RNF217: variants seen among roughly 807,000 people sequenced by gnomAD.
The protein encoded by RNF217 is ring finger protein 217, also known as E3 ubiquitin-protein ligase RNF217.
In RNF217, 31 loss-of-function variants were observed where a neutral mutation model predicts 57.8. That is an observed-to-expected ratio of 0.54 (90% confidence interval 0.40 to 0.72). The LOEUF (loss-of-function observed/expected upper bound fraction) is 0.72, where lower values mean the gene tolerates loss of function less well. RNF217 is among the 30% of genes least tolerant of loss of function. The pLI is 0.00. For missense variants in RNF217, 696 were observed against 708.3 expected (o/e 0.98, Z 0.20); for synonymous variants, 313 against 294.0 (o/e 1.06, Z -0.66).
At chr6:125,020,864 T>A (rs997860813) in intron 1 of RNF217, among the ~76,000 whole-genome samples, 1 of 152,204 alleles carries the variant, frequency 6.6e-6, no homozygotes, top group African/African-American at 2.4e-5. Context: ...ATTAAAATAA[T>A]AATATTGCCA....
In RNF217 at chr6:125,076,694, C is replaced by G; in HGVS notation, c.1319C>G (p.Thr440Ser). ...IQRTEGCDHM[T>S]CSQCNTNFCY... is the part of the protein sequence containing the mutation. ...CGAACTGAAGGATGTGACCATATGA[C>G]CTGCTCACAATGTAACACTAATTTT... is the stretch of plus-strand genomic sequence containing the variant. The change falls in exon 4 of 6, where the codon ACC (threonine) becomes AGC (serine). Residue 440 changes from threonine (T) to serine (S), a missense_variant. Coordinates refer to ENST00000521654, the MANE Select transcript of RNF217 (RefSeq NM_001286398.3). The G allele has an allele frequency of 6.2e-7, 1 of 1,612,838 alleles. No individual in the cohort carries two copies. The highest frequency in any genetic ancestry group is 8.5e-7 in the Non-Finnish European group (1 of 1,178,992).
At position 125,081,625 on chromosome 6, in the gene RNF217, T is replaced by G. The variant is rs145141384; in HGVS notation, c.1555+118T>G. 340 of 764,808 alleles carry G rather than the reference T, an allele frequency of 4.4e-4. 2 individuals are homozygous for G. The African/African-American group carries it at 5.4e-3, about 12-fold the overall frequency. 47.4% of individuals were successfully genotyped at this position (764,808 alleles called of 1,614,324 possible). The stretch of plus-strand genomic sequence containing the variant: ...GTGGACATAATTTATGTTGTATGCC[T>G]GCTTTAGATAGATTACCAGCATATC... On this transcript the variant is annotated intron_variant, in intron 5 of 5. Coordinates refer to ENST00000521654, the MANE Select transcript of RNF217 (RefSeq NM_001286398.3).
chr6:125,089,503 CTAAAG>C lies in RNF217; in HGVS notation c.*6569_*6573del, dbSNP rs1338139614. The stretch of plus-strand genomic sequence containing the variant: ...TGAACATTGTTAGATTTTTAATAAT[CTAAAG>C]TAGGTCACATTGAATGTAACTGATA... On this transcript the variant is annotated 3_prime_UTR_variant, in exon 6 of 6. Transcript: ENST00000521654. 7 of 152,112 alleles carry C rather than the reference CTAAAG, an allele frequency of 4.6e-5. No individual in the cohort carries two copies. Among genetic ancestry groups the C allele is most frequent in the Non-Finnish European group, 7.3e-5 (5 of 68,028 alleles). 9.4% of individuals were successfully genotyped at this position (152,112 alleles called of 1,614,324 possible). A position where few individuals can be genotyped will look rare whatever the true frequency, so the allele number is the denominator to read the frequency against.
intron 1 of RNF217, among the ~76,000 whole-genome samples, chr6:124,997,542 C>T (rs1784799815): frequency 6.6e-6 from 1 of 152,156 alleles, no homozygotes; most frequent in South Asian, 2.1e-4. Context: ...TGACAGCAGA[C>T]ACATTGATGA....
intron 1 of RNF217, among the ~76,000 whole-genome samples, chr6:124,996,417 C>A (rs1225493606): frequency 6.6e-6 from 1 of 152,020 alleles, no homozygotes. Flanking sequence ...GATAGGAGTT[C>A]TATTTTTTAT....
chr6:124,987,077 T>C (rs1008975900), intron 1 of RNF217, among the ~76,000 whole-genome samples: 5 of 152,214 alleles, frequency 3.3e-5, no homozygotes, highest in African/African-American at 1.2e-4. Flanking sequence ...ATTCATAATT[T>C]GGACGTTTTT....
chr6:125,014,877 G>A (rs1272881458), intron 1 of RNF217, among the ~76,000 whole-genome samples: 1 of 152,164 alleles, frequency 6.6e-6, no homozygotes, highest in Admixed American at 6.5e-5. Flanking sequence ...GTGCTTGACT[G>A]AACTTTTGAG....
At chr6:125,049,116 T>C (rs1005506948) in intron 2 of RNF217, among the ~76,000 whole-genome samples, 5 of 151,978 alleles carry the variant, frequency 3.3e-5, no homozygotes, top group Admixed American at 6.6e-5. Context: ...ACCTGAATAG[T>C]TCCTGTAATT....
intron 1 of RNF217, among the ~76,000 whole-genome samples, chr6:124,985,883 T>C (rs1784349530): frequency 6.6e-6 from 1 of 152,194 alleles, no homozygotes; most frequent in Admixed American, 6.5e-5. Context: ...CATGGTTATG[T>C]TACATTAATC....
chr6:125,011,681 T>TA (rs1197466997), intron 1 of RNF217, among the ~76,000 whole-genome samples: 1 of 152,188 alleles, frequency 6.6e-6, no homozygotes, highest in Non-Finnish European at 1.5e-5. Flanking sequence ...TGTCAGGTTC[T>TA]AAAAAAGTCA....
rs141289437 is a variant in RNF217 at position 124,992,417 on chromosome 6, A to G, written c.882+28991A>G. Among the ~76,000 whole-genome samples the G allele has an allele frequency of 4.2e-3, 646 of 152,304 alleles. 7 individuals are homozygous for G. Among genetic ancestry groups the G allele is most frequent in the African/African-American group, 0.015 (618 of 41,576 alleles). On this transcript the variant is annotated intron_variant, in intron 1 of 5. Transcript: ENST00000521654. ...AGAAAATAAGAAACTAAGAGGCTAT[A>G]GAACATTGATTTTAAGAATGTACTT... is the stretch of plus-strand genomic sequence containing the variant.
At chr6:125,071,083 C>T (rs1022462957) in intron 3 of RNF217, among the ~76,000 whole-genome samples, 2 of 151,920 alleles carry the variant, frequency 1.3e-5, no homozygotes, top group Non-Finnish European at 2.9e-5. Flanking sequence ...TTTTTAGATA[C>T]TTTGTGGGCA....
intron 2 of RNF217, among the ~76,000 whole-genome samples, chr6:125,052,286 G>T (rs1011188822): frequency 9.0e-5 from 11 of 122,334 alleles, no homozygotes; most frequent in African/African-American, 1.6e-4. Flanking sequence ...CATGCGTTTT[G>T]TGTGTGTGTG....
intron 4 of RNF217, 82 bp from the exon 5 acceptor site, chr6:125,081,354 G>A: frequency 2.1e-6 from 2 of 961,442 alleles, no homozygotes; most frequent in South Asian, 1.5e-5. Context: ...AATATACACT[G>A]TGGTATTTAA....
chr6:125,007,336 C>T (rs1402145308), intron 1 of RNF217, among the ~76,000 whole-genome samples: 1 of 151,274 alleles, frequency 6.6e-6, no homozygotes, highest in African/African-American at 2.4e-5. Flanking sequence ...ACCTCTGCCT[C>T]CTGGGTTCAA....
At chr6:125,035,102 G>A (rs1306760363) in intron 1 of RNF217, among the ~76,000 whole-genome samples, 1 of 152,184 alleles carries the variant, frequency 6.6e-6, no homozygotes, top group Non-Finnish European at 1.5e-5. Flanking sequence ...TTTGGGCAGA[G>A]ACAATGGGGT....
intron 1 of RNF217, among the ~76,000 whole-genome samples, chr6:124,990,690 G>A (rs2115041131): frequency 6.6e-6 from 1 of 152,198 alleles, no homozygotes; most frequent in South Asian, 2.1e-4. Context: ...TGTGAACCAT[G>A]CCACCATCAT....
chr6:125,045,524 A>T (rs556625368), intron 2 of RNF217, 80 bp downstream of exon 2: 952 of 995,418 alleles, frequency 9.6e-4, no homozygotes, highest in Non-Finnish European at 7.7e-4. Context: ...CGTGGGCATT[A>T]AGGGGGCATC....
chr6:125,050,526 CAT>C (rs1787269061), intron 2 of RNF217, among the ~76,000 whole-genome samples: 1 of 151,922 alleles, frequency 6.6e-6, no homozygotes, highest in Non-Finnish European at 1.5e-5. Flanking sequence ...AATATTTTCT[CAT>C]GTGGTAAAAG....
Sources: allele counts gnomAD v4.1 joint callset (sites outside exome capture counted in the v4.1 genomes callset), GRCh38; gene constraint gnomAD v4.1.1; transcripts MANE v1.5; gene names NCBI Gene and HGNC (gene_info 2026-07-23, HGNC 2026-07-21).